MAP3K7CL: variants seen among roughly 807,000 people sequenced by gnomAD.
MAP3K7CL encodes the protein MAP3K7 C-terminal-like protein.
Under a neutral mutation model 18.6 loss-of-function variants are expected in MAP3K7CL, and 16 were observed. The ratio of observed to expected loss-of-function variants is 0.86; its 90% CI spans 0.58 to 1.31. The LOEUF is 1.31. Ranked by LOEUF, MAP3K7CL falls within the 50% of genes most tolerant of loss-of-function variation. The pLI is 0.00. For missense variants in MAP3K7CL, 163 were observed against 174.4 expected (o/e 0.93, Z 0.37); for synonymous variants, 65 against 66.8 (o/e 0.97, Z 0.13).
chr21:29,078,321 T>G (rs985454659), intron 1 of MAP3K7CL, among the ~76,000 whole-genome samples: 2 of 152,218 alleles, frequency 1.3e-5, no homozygotes, highest in Non-Finnish European at 2.9e-5. Context: ...AATCTTTTAA[T>G]ATTCCTTTAT....
chr21:29,159,804 C>T, intron 3 of MAP3K7CL, 137 bp from the exon 4 acceptor site: 3 of 616,718 alleles, frequency 4.9e-6, no homozygotes, highest in Non-Finnish European at 8.5e-6. Context: ...TGAATGTTGA[C>T]TGACAATGCT....
exon 4 of MAP3K7CL, chr21:29,092,524 C>G: frequency 1.2e-6 from 2 of 1,614,214 alleles, no homozygotes; most frequent in Non-Finnish European, 1.7e-6. Context: ...CGATTGGATG[C>G]TCACTCTGAA....
intron 3 of MAP3K7CL, among the ~76,000 whole-genome samples, chr21:29,157,670 A>G (rs921205876): frequency 2.6e-5 from 4 of 152,196 alleles, no homozygotes; most frequent in Admixed American, 2.0e-4. Flanking sequence ...GCTTAGTGGC[A>G]TGATCGCTCT....
intron 4 of MAP3K7CL, among the ~76,000 whole-genome samples, chr21:29,121,163 C>T (rs2086589031): frequency 6.6e-6 from 1 of 150,860 alleles, no homozygotes. Context: ...CCATTATCTA[C>T]AGTGAAGGAA....
At chr21:29,085,451 G>C (rs1335889638), upstream of MAP3K7CL, among the ~76,000 whole-genome samples, 1 of 151,542 alleles carries the variant, frequency 6.6e-6, no homozygotes, top group Non-Finnish European at 1.5e-5. Flanking sequence ...TTAGGCTGAG[G>C]CAGGAGAATG....
chr21:29,125,988 G>C (rs562665966), upstream of MAP3K7CL, among the ~76,000 whole-genome samples: 3 of 152,344 alleles, frequency 2.0e-5, no homozygotes, highest in African/African-American at 7.2e-5. Context: ...GAAAAGCAGG[G>C]TTAATACATA....
At chr21:29,134,592 C>T (rs1478299028) in intron 2 of MAP3K7CL, among the ~76,000 whole-genome samples, 1 of 152,186 alleles carries the variant, frequency 6.6e-6, no homozygotes, top group East Asian at 1.9e-4. Flanking sequence ...TTCTCATGAT[C>T]TGCCGTTGTA....
chr21:29,109,159 C>A, intron 4 of MAP3K7CL: 1 of 1,535,426 alleles, frequency 6.5e-7, no homozygotes, highest in Non-Finnish European at 8.7e-7. Context: ...TTCCCTAACG[C>A]CCTTTCCACC....
upstream of MAP3K7CL, among the ~76,000 whole-genome samples, chr21:29,127,415 T>C (rs945521132): frequency 6.6e-6 from 1 of 152,224 alleles, no homozygotes; most frequent in African/African-American, 2.4e-5. Context: ...ATTCTTAAAA[T>C]ACCATGTAGT....
upstream of MAP3K7CL, chr21:29,128,130 C>T (rs2086711137): frequency 2.0e-5 from 3 of 152,250 alleles, no homozygotes; most frequent in South Asian, 6.2e-4. Context: ...ATCTGCTTTC[C>T]CATTGGCACA....
At chr21:29,165,853 G>A (rs2735966) in intron 4 of MAP3K7CL, among the ~76,000 whole-genome samples, 42,490 of 152,146 alleles carry the variant, frequency 0.28, 7,530 homozygotes, top group Non-Finnish European at 0.37. Flanking sequence ...TGAGCCATGC[G>A]CCTGGCCAGT....
At chr21:29,128,749 G>A (rs996216285), upstream of MAP3K7CL, among the ~76,000 whole-genome samples, 2 of 152,106 alleles carry the variant, frequency 1.3e-5, no homozygotes, top group African/African-American at 4.8e-5. Context: ...GTCTCAATTT[G>A]CTCATCTGTC....
At chr21:29,101,091 G>A (rs1182672055) in intron 4 of MAP3K7CL, among the ~76,000 whole-genome samples, 2 of 151,292 alleles carry the variant, frequency 1.3e-5, no homozygotes, top group Admixed American at 6.6e-5. Flanking sequence ...ATGAGCTACC[G>A]CGCGTGGCCG....
chr21:29,112,389 A>C (rs1367447276), intron 4 of MAP3K7CL, among the ~76,000 whole-genome samples: 1 of 152,218 alleles, frequency 6.6e-6, no homozygotes, highest in African/African-American at 2.4e-5. Flanking sequence ...CAATCCTTAC[A>C]GCAGCAAATT....
In MAP3K7CL at chr21:29,167,693, A is replaced by AT. The variant is rs35549023; in HGVS notation, c.249-6995dup. Among the ~76,000 whole-genome samples the AT allele has an allele frequency of 2.8e-3, 303 of 107,470 alleles. 1 individual carries two copies. The highest frequency in any genetic ancestry group is 7.6e-3 in the South Asian group (24 of 3,176). The allele number at this position is 107,470 out of a possible 152,430, so 70.5% of individuals were successfully genotyped here. On this transcript the variant is annotated intron_variant, in intron 4 of 4. Transcript: ENST00000399928. The stretch of plus-strand genomic sequence containing the variant: ...ACCAAGATCAACCAGAGAAGGACCA[A>AT]TTTTTTTTTTTTTTTTTTTTTTTTG...
At chr21:29,101,503 G>A (rs1337244857) in intron 4 of MAP3K7CL, among the ~76,000 whole-genome samples, 1 of 152,108 alleles carries the variant, frequency 6.6e-6, no homozygotes, top group African/African-American at 2.4e-5. Context: ...TCCACCTCCC[G>A]GATTCAGCCA....
At chr21:29,079,432 C>T (rs1297560379) in intron 1 of MAP3K7CL, among the ~76,000 whole-genome samples, 1 of 152,256 alleles carries the variant, frequency 6.6e-6, no homozygotes, top group African/African-American at 2.4e-5. Context: ...GCTTCCTTTT[C>T]TCTATGGGTC....
At chr21:29,161,137 C>G (rs754947920) in intron 4 of MAP3K7CL, among the ~76,000 whole-genome samples, 12 of 152,158 alleles carry the variant, frequency 7.9e-5, no homozygotes, top group Non-Finnish European at 1.8e-4. Flanking sequence ...TGGTGAAACC[C>G]TGTCTCTACT....
At chr21:29,139,547 ACTAAGCTATAAATGAATATTG>A (rs1370821219) in intron 2 of MAP3K7CL, among the ~76,000 whole-genome samples, 2 of 152,114 alleles carry the variant, frequency 1.3e-5, no homozygotes, top group African/African-American at 4.8e-5. Flanking sequence ...CCTCATCTGC[ACTAAGCTATAAATGAATATTG>A]AGTTTACCAT....
Sources: gnomAD v4.1 joint callset for allele counts (sites outside exome capture counted in the v4.1 genomes callset) on GRCh38, gnomAD v4.1.1 for gene constraint, MANE v1.5 for transcripts, NCBI Gene and HGNC (gene_info 2026-07-23, HGNC 2026-07-21) for gene names.